BSND: variants seen among roughly 807,000 people sequenced by gnomAD.
BSND encodes barttin CLCNK type accessory subunit beta.
In BSND, 13 loss-of-function variants were observed where a neutral mutation model predicts 18.8. The ratio of observed to expected loss-of-function variants is 0.69; its 90% confidence interval spans 0.45 to 1.10. The LOEUF (loss-of-function observed/expected upper bound fraction) is 1.10. Ranked by LOEUF, BSND falls within the 50% of genes least tolerant of loss-of-function variation. The pLI, the probability that BSND is intolerant of heterozygous loss-of-function variation, is 0.00. For synonymous variants in BSND, 170 were observed against 161.8 expected (o/e 1.05, Z -0.39); for missense variants, 379 against 416.7 (o/e 0.91, Z 0.79).
At chr1:55,005,315 A>C (rs1003196934) in intron 2 of BSND, among the ~76,000 whole-genome samples, 199 bp downstream of exon 2, 62 of 152,338 alleles carry the variant, frequency 4.1e-4, no homozygotes, top group African/African-American at 1.5e-3. Flanking sequence ...GAGGAAACTG[A>C]GGCCCAGGGA....
intron 1 of BSND, among the ~76,000 whole-genome samples, chr1:55,001,256 C>G (rs1211733923): frequency 6.7e-6 from 1 of 148,974 alleles, no homozygotes; most frequent in Non-Finnish European, 1.5e-5. Context: ...TGGGGGAGAC[C>G]TGGCATCACA....
At chr1:55,003,260 A>G (rs1644372685) in intron 1 of BSND, among the ~76,000 whole-genome samples, 1 of 152,018 alleles carries the variant, frequency 6.6e-6, no homozygotes, top group Non-Finnish European at 1.5e-5. Context: ...TCAGTCTGTC[A>G]CCTAGGCTGG....
At position 55,007,101 on chromosome 1, in the gene BSND, A is replaced by T. The variant is rs1408408261; in HGVS notation, c.377A>T (p.Glu126Val). ...CAGATGAAAGTCATGAGCTACAGTG[A>T]GGACCACCGCTCCTTGCTGGCCCCT... is the stretch of plus-strand genomic sequence containing the variant. ...HIQMKVMSYS[E>V]DHRSLLAPEM... is the part of the protein sequence containing the mutation. The change falls in exon 3 of 4, where the codon GAG (glutamate) becomes GTG (valine). Residue 126 changes from glutamate (E) to valine (V), a missense_variant. Physicochemically the swap from Glu to Val is moderately radical, Grantham distance 121. Transcript: ENST00000651561. 2 of 1,614,140 alleles carry T rather than the reference A, an allele frequency of 1.2e-6. No individual in the cohort carries two copies. The highest frequency in any genetic ancestry group is 2.2e-5 in the South Asian group (2 of 91,080).
At chr1:55,006,869 G>GT in intron 2 of BSND, 128 bp from the exon 3 acceptor site, 1 of 1,395,934 alleles carries the variant, frequency 7.2e-7, no homozygotes, top group Non-Finnish European at 1.0e-6. Flanking sequence ...AACGGGCGCA[G>GT]TAACATCCCC....
chr1:55,008,169 T>G, intron 3 of BSND, 45 bp from the exon 4 acceptor site: 2 of 1,567,630 alleles, frequency 1.3e-6, no homozygotes, highest in Non-Finnish European at 1.8e-6. Flanking sequence ...ACCCAGGCAT[T>G]CTGACTCAGA....
In BSND at chr1:55,016,022, G is replaced by C. The variant is rs1289184209; in HGVS notation, c.*7394G>C. Among the ~76,000 whole-genome samples, 1 of 152,220 alleles carries C rather than the reference G, an allele frequency of 6.6e-6. No individual in the cohort carries two copies. On this transcript the variant is annotated 3_prime_UTR_variant, in exon 4 of 4. Coordinates refer to ENST00000651561, the MANE Select transcript of BSND (RefSeq NM_057176.3). ...CTTAGAATAGGAGCGGAGGGTGGCT[G>C]GAGAAGACGTGGGTGAGTGAGTGAC... is the stretch of plus-strand genomic sequence containing the variant.
In BSND at chr1:55,008,959, T is replaced by A. The variant is rs1374561003; in HGVS notation, c.*331T>A. On this transcript the variant is annotated 3_prime_UTR_variant, in exon 4 of 4. Coordinates refer to ENST00000651561, the MANE Select transcript of BSND (RefSeq NM_057176.3). ...TTCCTTGGTGCTCCCTCTGGGCCCC[T>A]GATCCTTTGTGAAGGCCAGTCAGGT... 6 of 410,538 alleles carry A rather than the reference T, an allele frequency of 1.5e-5. No homozygotes were observed. The highest frequency in any genetic ancestry group is 1.3e-4 in the South Asian group (6 of 45,926). 25.4% of individuals were successfully genotyped at this position (410,538 alleles called of 1,614,324 possible). A position where few individuals can be genotyped will look rare whatever the true frequency, so the allele number is the denominator to read the frequency against.
chr1:55,005,115 AG>A lies in BSND; in HGVS notation c.272+1del. On this transcript the variant is annotated frameshift_variant and splice_region_variant, in exon 2 of 4. Coordinates refer to ENST00000651561, the MANE Select transcript of BSND (RefSeq NM_057176.3). LOFTEE classifies it high-confidence loss of function. Reference sequence around the variant, plus strand: ...GAATGGGCTTGCTGCCGAGATGAAGAGGTAGGTGCCAGGCCCTCTCGGGAGG... The same window carrying A: ...GAATGGGCTTGCTGCCGAGATGAAGAGTAGGTGCCAGGCCCTCTCGGGAGG... ...LENGLAAEMK[S>X]PSPQPPYVRL... 1 of 1,614,074 alleles carries A rather than the reference AG, an allele frequency of 6.2e-7. No individual in the cohort carries two copies. Among genetic ancestry groups the A allele is most frequent in the Non-Finnish European group, 8.5e-7 (1 of 1,179,996 alleles).
chr1:55,016,169 C>T lies in BSND; in HGVS notation c.*7541C>T, dbSNP rs924219543. ...GGGCTTTGCAGTGCTGAGAGCTGCCCAAAGAATGGGTAGGAACATGTCTGA... is the reference window on the plus strand; with the variant it reads ...GGGCTTTGCAGTGCTGAGAGCTGCCTAAAGAATGGGTAGGAACATGTCTGA... On this transcript the variant is annotated 3_prime_UTR_variant, in exon 4 of 4. Coordinates refer to ENST00000651561, the MANE Select transcript of BSND (RefSeq NM_057176.3). Among the ~76,000 whole-genome samples, 36 of 152,000 alleles carry T rather than the reference C, an allele frequency of 2.4e-4. No homozygotes were observed. Among genetic ancestry groups the T allele is most frequent in the African/African-American group, 7.0e-4 (29 of 41,360 alleles).
chr1:55,000,541 C>T (rs1429792038), intron 1 of BSND, among the ~76,000 whole-genome samples: 1 of 152,220 alleles, frequency 6.6e-6, no homozygotes, highest in Admixed American at 6.5e-5. Flanking sequence ...TCAGCAACCC[C>T]CACACCTCCT....
At chr1:55,008,067 T>G in intron 3 of BSND, 147 bp from the exon 4 acceptor site, 2 of 686,802 alleles carry the variant, frequency 2.9e-6, no homozygotes, top group South Asian at 3.5e-5. Flanking sequence ...AAGAAAGAAC[T>G]GCAGGAGTGA....
chr1:55,000,677 A>G (rs1247770485), intron 1 of BSND, among the ~76,000 whole-genome samples: 2 of 152,244 alleles, frequency 1.3e-5, no homozygotes, highest in African/African-American at 4.8e-5. Flanking sequence ...CATTCTGTTC[A>G]GTGCTGGAGC....
rs181503743 is a variant in BSND at position 55,012,118 on chromosome 1, G to A, written c.*3490G>A. On this transcript the variant is annotated 3_prime_UTR_variant, in exon 4 of 4. Coordinates refer to ENST00000651561, the MANE Select transcript of BSND (RefSeq NM_057176.3). The stretch of plus-strand genomic sequence containing the variant: ...GCCCTTAACTGGAAAGGGTGGGCAA[G>A]GGAAGGCAGGGGGCCCAGGGGCAGG... Among the ~76,000 whole-genome samples, 18 of 152,326 alleles carry A rather than the reference G, an allele frequency of 1.2e-4. No homozygotes were observed. In the East Asian group the frequency reaches 3.1e-3, roughly 26 times the overall value.
chr1:55,005,618 A>G (rs1644385578), intron 2 of BSND, among the ~76,000 whole-genome samples: 1 of 152,208 alleles, frequency 6.6e-6, no homozygotes, highest in African/African-American at 2.4e-5. Flanking sequence ...GTTAAGTGAG[A>G]TAATATAGGC....
intron 1 of BSND, among the ~76,000 whole-genome samples, chr1:55,000,507 T>C (rs1418029648): frequency 5.9e-5 from 9 of 152,058 alleles, no homozygotes; most frequent in Non-Finnish European, 1.0e-4. Flanking sequence ...ACCTAATATC[T>C]AGGGCTCCAG....
At chr1:55,001,621 A>G (rs1021809068) in intron 1 of BSND, among the ~76,000 whole-genome samples, 60 of 152,206 alleles carry the variant, frequency 3.9e-4, no homozygotes, top group African/African-American at 1.4e-3. Context: ...AGGGAATAGA[A>G]TTAGCTAATT....
intron 2 of BSND, among the ~76,000 whole-genome samples, chr1:55,006,639 G>T (rs1374030268): frequency 6.6e-6 from 1 of 152,174 alleles, no homozygotes; most frequent in Non-Finnish European, 1.5e-5. Flanking sequence ...TTAGAATAAT[G>T]TTTAGAATAA....
At chr1:55,008,103 G>T in intron 3 of BSND, 111 bp from the exon 4 acceptor site, 1 of 855,620 alleles carries the variant, frequency 1.2e-6, no homozygotes. Context: ...AGAAACTGAG[G>T]CCCGGGAAGG....
rs1644413494 is a variant in BSND at position 55,009,963 on chromosome 1, C to G, written c.*1335C>G. On this transcript the variant is annotated 3_prime_UTR_variant, in exon 4 of 4. Coordinates refer to ENST00000651561, the MANE Select transcript of BSND (RefSeq NM_057176.3). ...AGGCTGAGCTGGAGGATAGCTTAAG[C>G]ACAGGAGATGGAAGTTGCAGTGAGC... 1 of 152,290 alleles carries G rather than the reference C, an allele frequency of 6.6e-6. No individual in the cohort carries two copies. The highest frequency in any genetic ancestry group is 2.4e-5 in the African/African-American group (1 of 41,464). The allele number at this position is 152,290 out of a possible 1,614,324, so 9.4% of individuals were successfully genotyped here.
Sources: allele counts gnomAD v4.1 joint callset (sites outside exome capture counted in the v4.1 genomes callset), GRCh38; gene constraint gnomAD v4.1.1; transcripts MANE v1.5; gene names NCBI Gene and HGNC (gene_info 2026-07-23, HGNC 2026-07-21).